Variants in C2CD3 observed in about 807,000 individuals in gnomAD.
The protein encoded by C2CD3 is C2 domain-containing protein 3.
Under a neutral mutation model 234.0 loss-of-function variants are expected in C2CD3, and 148 were observed. The ratio of observed to expected loss-of-function variants is 0.63; its 90% confidence interval spans 0.55 to 0.72. The LOEUF is 0.72. Ranked by LOEUF, C2CD3 falls within the 30% of genes least tolerant of loss-of-function variation. C2CD3 has a pLI of 0.00. For synonymous variants in C2CD3, 1,000 were observed against 1,035.4 expected (o/e 0.97, Z 0.66); for missense variants, 2,577 against 2,811.5 (o/e 0.92, Z 1.89).
At chr11:74,068,458 G>A (rs1274670572) in intron 24 of C2CD3, among the ~76,000 whole-genome samples, 1 of 152,120 alleles carries the variant, frequency 6.6e-6, no homozygotes, top group East Asian at 1.9e-4. Context: ...ACTGCCCTTT[G>A]TCTACAGATA....
intron 31 of C2CD3, among the ~76,000 whole-genome samples, chr11:74,028,794 AG>A (rs1391991853): frequency 6.6e-6 from 1 of 152,218 alleles, no homozygotes; most frequent in Non-Finnish European, 1.5e-5. Context: ...ACTTCCTGAA[AG>A]CCCCTCAGGA....
intron 17 of C2CD3, among the ~76,000 whole-genome samples, chr11:74,094,254 T>C (rs1352801191): frequency 2.0e-5 from 3 of 151,746 alleles, no homozygotes; most frequent in Admixed American, 2.0e-4. Context: ...AATGGTATCT[T>C]GGTAGTTTTG....
At chr11:74,118,752 G>A (rs1199821989) in intron 8 of C2CD3, among the ~76,000 whole-genome samples, 4 of 152,056 alleles carry the variant, frequency 2.6e-5, no homozygotes, top group Non-Finnish European at 5.9e-5. Context: ...TTTTACAAGT[G>A]AGAAAATCAG....
intron 9 of C2CD3, among the ~76,000 whole-genome samples, chr11:74,116,801 C>T (rs183333353): frequency 4.5e-4 from 62 of 138,720 alleles, no homozygotes; most frequent in African/African-American, 1.5e-3. Context: ...CACACACACA[C>T]GTATATATAT....
Position 74,078,308 on chromosome 11 carries a change from G to A in C2CD3, c.4410C>T (p.Ser1470=), listed in dbSNP as rs1476501672. The A allele has an allele frequency of 3.1e-6, 5 of 1,613,960 alleles. No individual in the cohort carries two copies. Among genetic ancestry groups the A allele is most frequent in the Non-Finnish European group, 4.2e-6 (5 of 1,180,020 alleles). Residue 1470 remains serine (S), a synonymous_variant, in exon 23 of 33, where the codon TCC becomes TCT. Coordinates refer to ENST00000334126, the MANE Select transcript of C2CD3 (RefSeq NM_001286577.2). ...GGCCCCTGGTGACTTCTGCTCTTTT[G>A]GATGCCTTGAAAGTGACCATAATCT... ...KKQIMVTFKA[S]KRAEVTRGPS...
chr11:74,043,527 T>A (rs995168701), intron 28 of C2CD3, among the ~76,000 whole-genome samples: 5 of 152,224 alleles, frequency 3.3e-5, no homozygotes, highest in Non-Finnish European at 5.9e-5. Context: ...GTCATATGGT[T>A]ACTCCATGTT....
At position 74,100,685 on chromosome 11, in the gene C2CD3, G is replaced by C. The variant is rs997862407; in HGVS notation, c.2581-9C>G. On this transcript the variant is annotated splice_polypyrimidine_tract_variant and intron_variant, in intron 14 of 32. Transcript: ENST00000334126. ...AGAGAGACAGGAATCACCTAAGAGA[G>C]AGGAACAACCAAAACAAACAAAAAA... The C allele has an allele frequency of 6.3e-6, 10 of 1,596,522 alleles. No individual in the cohort carries two copies. The highest frequency in any genetic ancestry group is 3.7e-5 in the Admixed American group (2 of 54,708).
chr11:74,167,190 G>A (rs1435819490), intron 2 of C2CD3, among the ~76,000 whole-genome samples: 1 of 152,120 alleles, frequency 6.6e-6, no homozygotes, highest in Admixed American at 6.5e-5. Context: ...ACCATAAGAT[G>A]TTCAAATAAA....
At chr11:74,087,501 T>G (rs561366500) in intron 20 of C2CD3, among the ~76,000 whole-genome samples, 1 of 151,190 alleles carries the variant, frequency 6.6e-6, no homozygotes, top group Non-Finnish European at 1.5e-5. Context: ...GAGGCGGAGG[T>G]TGCAGTGAGC....
At chr11:74,062,945 G>A (rs1954318174) in intron 24 of C2CD3, among the ~76,000 whole-genome samples, 1 of 152,042 alleles carries the variant, frequency 6.6e-6, no homozygotes, top group East Asian at 1.9e-4. Flanking sequence ...TGATAAAGGG[G>A]ATATCACTAC....
In C2CD3 at chr11:74,074,422, G is replaced by T; in HGVS notation, c.4782C>A (p.Leu1594=). ...QLPRRNDEVQ[L]SPPEVISCHQ... ...GGCAGGAGATGACTTCTGGTGGAGA[G>T]AGCTGGACCTCATCATTCCTTCTGG... The change falls in exon 24 of 33, where the codon CTC becomes CTA. Residue 1594 remains leucine, a synonymous_variant. Transcript: ENST00000334126. 1.2e-6 allele frequency: 2 copies of T among 1,614,230 alleles called. No homozygotes were observed. Among genetic ancestry groups the T allele is most frequent in the Non-Finnish European group, 1.7e-6 (2 of 1,180,040 alleles).
At chr11:74,121,012 G>A (rs1406300350) in intron 8 of C2CD3, among the ~76,000 whole-genome samples, 1 of 149,638 alleles carries the variant, frequency 6.7e-6, no homozygotes, top group East Asian at 2.0e-4. Flanking sequence ...AAAAAAAAGA[G>A]CTAAAATGTT....
intron 3 of C2CD3, among the ~76,000 whole-genome samples, chr11:74,147,685 C>T (rs12285706): frequency 0.04 from 6,036 of 152,226 alleles, 398 homozygotes; most frequent in African/African-American, 0.14. Flanking sequence ...GGCTTATCTG[C>T]AAGGGCATTA....
At chr11:74,076,838 G>A (rs1280898241) in intron 23 of C2CD3, among the ~76,000 whole-genome samples, 5 of 152,112 alleles carry the variant, frequency 3.3e-5, no homozygotes, top group African/African-American at 1.2e-4. Flanking sequence ...TCACTGAGAT[G>A]CTATCCTTAG....
intron 9 of C2CD3, among the ~76,000 whole-genome samples, chr11:74,115,086 A>G: frequency 6.6e-6 from 1 of 152,042 alleles, no homozygotes; most frequent in Non-Finnish European, 1.5e-5. Context: ...AAATCTCAAA[A>G]AATGTAAAAA....
At position 74,033,711 on chromosome 11, in the gene C2CD3, C is replaced by T; in HGVS notation, c.6449G>A (p.Ser2150Asn). 1 of 1,536,404 alleles carries T rather than the reference C, an allele frequency of 6.5e-7. No homozygotes were observed. The highest frequency in any genetic ancestry group is 1.4e-5 in the African/African-American group (1 of 73,160). Residue 2150 changes from serine (S) to asparagine (N), a missense_variant, in exon 31 of 33, where the codon AGT (serine) becomes AAT (asparagine). By Grantham distance (46) the Ser-to-Asn change is conservative. Transcript: ENST00000334126. The stretch of plus-strand genomic sequence containing the variant: ...GGCCTCACACTCACAAGCAACAAGA[C>T]TTTGGCTAGGAGAACCCTGCCTAGG... ...HLPRQGSPSQ[S>N]LVACECEASK... is the part of the protein sequence containing the mutation.
intron 29 of C2CD3, among the ~76,000 whole-genome samples, chr11:74,040,593 A>T (rs1952988995): frequency 1.3e-5 from 2 of 152,028 alleles, no homozygotes; most frequent in East Asian, 3.9e-4. Flanking sequence ...TGTCTCTACT[A>T]AAAATACAAA....
In C2CD3 at chr11:74,114,564, T is replaced by C. The variant is rs1401003485; in HGVS notation, c.1550A>G (p.Glu517Gly). ...CATCGTTTGGGCATCTTCTGGAGTT[T>C]CTGAGAGCATCTGTTGTTCAACCAA... ...RNLVEQQMLS[E>G]TPEDAQTMTL... is the part of the protein sequence containing the mutation. The change falls in exon 10 of 33, where the codon GAA becomes GGA. Residue 517 changes from glutamate to glycine, a missense_variant. Transcript: ENST00000334126. 1.9e-6 allele frequency: 3 copies of C among 1,614,046 alleles called. No individual in the cohort carries two copies. Among genetic ancestry groups the C allele is most frequent in the South Asian group, 1.1e-5 (1 of 91,086 alleles).
At chr11:74,040,293 C>T (rs1266553499) in intron 29 of C2CD3, among the ~76,000 whole-genome samples, 1 of 152,118 alleles carries the variant, frequency 6.6e-6, no homozygotes, top group Non-Finnish European at 1.5e-5. Context: ...CCCAACCCCA[C>T]CCTTGTGGAA....
Sources: gnomAD v4.1 joint callset for allele counts (sites outside exome capture counted in the v4.1 genomes callset) on GRCh38, gnomAD v4.1.1 for gene constraint, MANE v1.5 for transcripts, NCBI Gene and HGNC (gene_info 2026-07-23, HGNC 2026-07-21) for gene names.